Variants in DNAH2 observed in about 807,000 individuals in gnomAD.
DNAH2 encodes the protein dynein axonemal heavy chain 2.
In DNAH2, 323 loss-of-function variants were observed where a neutral mutation model predicts 523.5. That is an observed-to-expected ratio of 0.62 (90% confidence interval 0.56 to 0.68). The LOEUF is 0.68. Ranked by LOEUF, DNAH2 falls within the 30% of genes least tolerant of loss-of-function variation. DNAH2 has a pLI of 0.00. For missense variants in DNAH2, 4,907 were observed against 5,701.5 expected (o/e 0.86, Z 4.49); for synonymous variants, 2,093 against 2,177.4 (o/e 0.96, Z 1.08).
Position 7,740,467 on chromosome 17 carries a change from T to C in DNAH2, c.1424T>C (p.Ile475Thr). Residue 475 changes from isoleucine to threonine, a missense_variant, in exon 10 of 86, where the codon ATC becomes ACC. By Grantham distance (89) the Ile-to-Thr change is moderately conservative. Coordinates refer to ENST00000572933, the MANE Select transcript of DNAH2 (RefSeq NM_020877.5). ...KDLEVMTQNL[I>T]TSAFELVRDV... ...CTGGAGGTGATGACCCAGAACCTGA[T>C]CACCTCAGCCTTCGAGTTGGTGCGG... 1 of 1,614,174 alleles carries C rather than the reference T, an allele frequency of 6.2e-7. No individual in the cohort carries two copies.
intron 31 of DNAH2, 93 bp downstream of exon 31, chr17:7,776,242 G>GCCC: frequency 3.5e-6 from 5 of 1,447,382 alleles, no homozygotes; most frequent in Admixed American, 2.0e-5. Context: ...GAGGTGGGCA[G>GCCC]ATCACTTGAG....
At chr17:7,722,187 C>CG (rs56380951) in intron 2 of DNAH2, among the ~76,000 whole-genome samples, 6,220 of 143,908 alleles carry the variant, frequency 0.043, 161 homozygotes, top group African/African-American at 0.065. Flanking sequence ...TTTATAGAGA[C>CG]GGGGGGGGGG....
chr17:7,783,783 G>C (rs1252662783), intron 39 of DNAH2, among the ~76,000 whole-genome samples: 3 of 149,902 alleles, frequency 2.0e-5, no homozygotes, highest in African/African-American at 7.4e-5. Context: ...CTGGGTGACA[G>C]AGTGAGACCC....
At chr17:7,756,991 G>T (rs374262242) in intron 12 of DNAH2, 100 bp from the exon 13 acceptor site, 2 of 1,535,214 alleles carry the variant, frequency 1.3e-6, no homozygotes, top group African/African-American at 2.7e-5. Context: ...TTCTCATCTC[G>T]ACATTTCCCT....
rs576432340 is a variant in DNAH2, at chr17:7,742,428, C to T, written c.1690-500C>T. ...CCTGGGTGGTGGAGAGAGACTCTGT[C>T]ACAAACAAACAAAACAAACAAATGA... On this transcript the variant is annotated intron_variant, in intron 11 of 85. Coordinates refer to ENST00000572933, the MANE Select transcript of DNAH2 (RefSeq NM_020877.5). Among the ~76,000 whole-genome samples, 26 of 152,256 alleles carry T rather than the reference C, an allele frequency of 1.7e-4. No individual in the cohort carries two copies. The South Asian group carries it at 5.0e-3, about 29-fold the overall frequency.
intron 8 of DNAH2, 139 bp from the exon 9 acceptor site, chr17:7,739,594 A>G: frequency 1.2e-6 from 1 of 847,592 alleles, no homozygotes; most frequent in Non-Finnish European, 1.8e-6. Context: ...TGGTTTTTAG[A>G]TATTTTCTTC....
At chr17:7,732,189 C>T (rs1439820225) in intron 4 of DNAH2, among the ~76,000 whole-genome samples, 1 of 151,664 alleles carries the variant, frequency 6.6e-6, no homozygotes, top group Non-Finnish European at 1.5e-5. Context: ...AATCCCAGCG[C>T]TTTGGGAGGC....
rs767954342 is a variant in DNAH2, at chr17:7,757,147, C to T, written c.1961C>T (p.Thr654Met). 4 of 1,614,188 alleles carry T rather than the reference C, an allele frequency of 2.5e-6. No homozygotes were observed. In the East Asian group the frequency reaches 6.7e-5, roughly 27 times the overall value. The change falls in exon 13 of 86, where the codon ACG (threonine) becomes ATG (methionine). Residue 654 changes from threonine (T) to methionine (M), a missense_variant. Transcript: ENST00000572933. ...TACTGGGAGCGGCTGCTGTTTGAGA[C>T]GCCCCATTACGTGGTGAACGTAGCT... ...IDYWERLLFE[T>M]PHYVVNVAER...
intron 44 of DNAH2, among the ~76,000 whole-genome samples, chr17:7,789,096 A>G (rs970409922): frequency 6.6e-6 from 1 of 152,200 alleles, no homozygotes; most frequent in Non-Finnish European, 1.5e-5. Context: ...CCCAGGAGGC[A>G]GAGGCTGCAG....
intron 7 of DNAH2, 107 bp from the exon 8 acceptor site, chr17:7,736,960 T>A: frequency 2.8e-6 from 3 of 1,063,990 alleles, no homozygotes. Flanking sequence ...CCAGCCCGGG[T>A]GACAAGAGTA....
rs1210469960 is a variant in DNAH2 at position 7,823,560 on chromosome 17, T to C, written c.11261T>C (p.Phe3754Ser). Residue 3754 changes from phenylalanine to serine, a missense_variant, in exon 74 of 86, where the codon TTT becomes TCT. This residue lies in a region of DNAH2 where 1,851 missense variants were observed against 2,139.4 expected (regional missense o/e 0.87). Transcript: ENST00000572933. ...LTNFHGLMNS[F>S]EQYPRDWHLW... ...AACTTCCACGGACTCATGAACTCCT[T>C]TGAGCAGTACCCTCGTGACTGGCAC... The C allele has an allele frequency of 6.2e-7, 1 of 1,614,172 alleles. No homozygotes were observed. Among genetic ancestry groups the C allele is most frequent in the Non-Finnish European group, 8.5e-7 (1 of 1,180,016 alleles).
At chr17:7,727,080 T>C in intron 3 of DNAH2, 42 bp from the exon 4 acceptor site, 1 of 1,494,396 alleles carries the variant, frequency 6.7e-7, no homozygotes. Flanking sequence ...TGACTCATCC[T>C]GGCAGTTGTA....
intron 77 of DNAH2, among the ~76,000 whole-genome samples, chr17:7,827,185 G>T (rs1313721775): frequency 6.6e-6 from 1 of 151,806 alleles, no homozygotes; most frequent in Non-Finnish European, 1.5e-5. Context: ...GTGTTTTGTG[G>T]TTTGTCTCTT....
chr17:7,780,996 T>A lies in DNAH2; in HGVS notation c.6004-46T>A. On this transcript the variant is annotated intron_variant, in intron 38 of 85. Coordinates refer to ENST00000572933, the MANE Select transcript of DNAH2 (RefSeq NM_020877.5). The surrounding 1 kb of genome is among the most constrained non-coding windows in gnomAD (Gnocchi z 4.4). The stretch of plus-strand genomic sequence containing the variant: ...CGAAGCCCTTTGGAGGTGAAAGGCC[T>A]AGGCCCTGCCTCCTCAAGCCTGAGT... 1 of 1,613,054 alleles carries A rather than the reference T, an allele frequency of 6.2e-7. No individual in the cohort carries two copies.
At chr17:7,723,179 T>C (rs6503054) in intron 2 of DNAH2, among the ~76,000 whole-genome samples, 121,543 of 148,276 alleles carry the variant, frequency 0.82, 50,358 homozygotes, top group East Asian at 1. Context: ...ACCGTATTAG[T>C]CAGGATGGTC....
chr17:7,741,294 C>CT (rs749461299), intron 11 of DNAH2, among the ~76,000 whole-genome samples: 13,972 of 50,614 alleles, frequency 0.28, 2,186 homozygotes, highest in East Asian at 0.43. Context: ...TTCTTTCTTT[C>CT]TTCCTTCCTT....
Position 7,759,567 on chromosome 17 carries a change from T to C in DNAH2, c.2594T>C (p.Val865Ala). 6.2e-7 allele frequency: 1 copy of C among 1,614,198 alleles called. No homozygotes were observed. The highest frequency in any genetic ancestry group is 1.7e-5 in the Admixed American group (1 of 60,014). ...GKTSPNPLFQ[V>A]LVILKNDLQG... ...ACCAGCCCAAACCCACTCTTCCAAG[T>C]CCTTGTCATTTTGAAGAATGATCTG... Residue 865 changes from valine (V) to alanine (A), a missense_variant, in exon 16 of 86, where the codon GTC (valine) becomes GCC (alanine). Transcript: ENST00000572933.
intron 14 of DNAH2, 96 bp downstream of exon 14, chr17:7,758,747 A>C: frequency 6.4e-7 from 1 of 1,557,680 alleles, no homozygotes; most frequent in Non-Finnish European, 8.7e-7. Context: ...GGGGTAGTGT[A>C]AAAAGAATTA....
chr17:7,745,388 AAACT>A (rs778698813), intron 12 of DNAH2, among the ~76,000 whole-genome samples: 9 of 152,176 alleles, frequency 5.9e-5, no homozygotes, highest in Non-Finnish European at 1.0e-4. Context: ...AGGATCAGGA[AAACT>A]AACTAATAGG....
Sources: gnomAD v4.1 joint callset for allele counts (sites outside exome capture counted in the v4.1 genomes callset) on GRCh38, gnomAD v4.1.1 for gene constraint, gnomAD v4.1.1 regional missense constraint, Gnocchi (gnomAD v3.1) non-coding constraint, MANE v1.5 for transcripts, NCBI Gene and HGNC (gene_info 2026-07-23, HGNC 2026-07-21) for gene names.